Variants in ADAMTSL1 observed in about 807,000 individuals in gnomAD.
ADAMTSL1 encodes the protein ADAMTS-like protein 1.
A neutral mutation model predicts 201.8 loss-of-function variants in ADAMTSL1; 126 were observed. The observed-to-expected ratio is 0.62, with a 90% CI of 0.54 to 0.72. The LOEUF is 0.72. Among genes scored for constraint, ADAMTSL1 ranks in the 30% least tolerant of loss-of-function variants. ADAMTSL1 has a pLI of 0.00. For missense variants in ADAMTSL1, 2,679 were observed against 2,277.8 expected (o/e 1.18, Z -3.59); for synonymous variants, 1,121 against 903.4 (o/e 1.24, Z -4.32).
intron 2 of ADAMTSL1, among the ~76,000 whole-genome samples, chr9:18,198,065 C>G (rs1829265474): frequency 1.3e-5 from 2 of 152,124 alleles, no homozygotes; most frequent in Non-Finnish European, 2.9e-5. Flanking sequence ...ATGTAGAAAG[C>G]TGAAATTGGA....
intron 14 of ADAMTSL1, among the ~76,000 whole-genome samples, chr9:18,707,946 G>A (rs1832326205): frequency 1.3e-5 from 2 of 152,108 alleles, no homozygotes; most frequent in South Asian, 2.1e-4. Context: ...CTAAAAATAC[G>A]GTAGATTCAT....
At chr9:18,331,265 A>G (rs1405598505) in intron 2 of ADAMTSL1, among the ~76,000 whole-genome samples, 3 of 152,210 alleles carry the variant, frequency 2.0e-5, no homozygotes, top group Non-Finnish European at 4.4e-5. Flanking sequence ...AAGGTCTTTG[A>G]TGCTATGCTG....
At chr9:18,383,869 C>A (rs1382079548) in intron 2 of ADAMTSL1, among the ~76,000 whole-genome samples, 9 of 152,160 alleles carry the variant, frequency 5.9e-5, no homozygotes, top group Non-Finnish European at 1.3e-4. Context: ...GCTCCTGAAA[C>A]TTTACTGTAC....
At chr9:18,011,110 C>T (rs1004815228) in intron 1 of ADAMTSL1, among the ~76,000 whole-genome samples, 4 of 151,900 alleles carry the variant, frequency 2.6e-5, no homozygotes, top group African/African-American at 9.7e-5. Flanking sequence ...CAGAAAATGA[C>T]ATGAAGGTGC....
intron 2 of ADAMTSL1, among the ~76,000 whole-genome samples, chr9:18,390,995 T>TAATG (rs1421953104): frequency 6.6e-6 from 1 of 152,178 alleles, no homozygotes; most frequent in Non-Finnish European, 1.5e-5. Flanking sequence ...TGGGGTCATC[T>TAATG]AATGAAAATG....
intron 3 of ADAMTSL1, among the ~76,000 whole-genome samples, chr9:18,572,038 T>TA (rs1822344824): frequency 1.3e-5 from 2 of 151,638 alleles, no homozygotes; most frequent in African/African-American, 2.4e-5. Flanking sequence ...ACTAAAAATA[T>TA]AAAAAAATGA....
chr9:18,525,158 G>T (rs567098078), intron 2 of ADAMTSL1, among the ~76,000 whole-genome samples: 55 of 152,222 alleles, frequency 3.6e-4, no homozygotes, highest in African/African-American at 1.3e-3. Flanking sequence ...CTTCTTCCTG[G>T]TTTAGTCTTG....
At chr9:18,646,981 T>C (rs1434305751) in intron 7 of ADAMTSL1, among the ~76,000 whole-genome samples, 1 of 152,176 alleles carries the variant, frequency 6.6e-6, no homozygotes, top group African/African-American at 2.4e-5. Context: ...TTCCTCCTTG[T>C]ACCTCTGGTA....
rs549894070 is a variant in ADAMTSL1 at position 18,908,521 on chromosome 9, C to G, written c.5262C>G (p.Arg1754=). ...GCCAACTCAGCCAGTTTAAATCTCG[C>G]TGCTGTGGAACTTGTGGCAAAGCGT... The part of the protein sequence containing the change: ...KLCQLSQFKS[R]CCGTCGKA The change falls in exon 29 of 29, where the codon CGC becomes CGG. Residue 1754 remains arginine (R), a synonymous_variant. Transcript: ENST00000380548. 11 of 1,562,958 alleles carry G rather than the reference C, an allele frequency of 7.0e-6. No homozygotes were observed. The South Asian group carries it at 1.2e-4, about 17-fold the overall frequency.
chr9:18,452,798 G>C (rs1362515367), intron 2 of ADAMTSL1, among the ~76,000 whole-genome samples: 2 of 152,238 alleles, frequency 1.3e-5, no homozygotes, highest in African/African-American at 4.8e-5. Flanking sequence ...TTAGGGTAGA[G>C]GTTGGGCCGC....
At chr9:18,753,551 C>G in intron 16 of ADAMTSL1, 43 bp downstream of exon 16, 10 of 1,567,686 alleles carry the variant, frequency 6.4e-6, no homozygotes, top group Non-Finnish European at 8.6e-6. Context: ...TTGTTTGCAA[C>G]AGTGACTCAA....
At chr9:17,978,403 A>ATGATT (rs1196247465) in intron 1 of ADAMTSL1, among the ~76,000 whole-genome samples, 1 of 151,282 alleles carries the variant, frequency 6.6e-6, no homozygotes, top group African/African-American at 2.4e-5. Flanking sequence ...TTGTGATTAG[A>ATGATT]TGATTTTCTG....
intron 2 of ADAMTSL1, among the ~76,000 whole-genome samples, chr9:18,352,667 C>T (rs571518135): frequency 9.9e-5 from 15 of 152,256 alleles, no homozygotes; most frequent in Admixed American, 6.5e-4. Context: ...TAAAAATGTA[C>T]GCCATGTGAT....
intron 2 of ADAMTSL1, among the ~76,000 whole-genome samples, chr9:18,514,906 G>A (rs1347949627): frequency 6.6e-6 from 1 of 152,120 alleles, no homozygotes; most frequent in Admixed American, 6.6e-5. Flanking sequence ...GTTAGCTGAG[G>A]ACTTTTCACA....
At chr9:17,979,369 C>A (rs1818590571) in intron 1 of ADAMTSL1, among the ~76,000 whole-genome samples, 1 of 151,828 alleles carries the variant, frequency 6.6e-6, no homozygotes. Flanking sequence ...TTCTCTTTTA[C>A]TTTCTTTTTT....
At chr9:17,975,063 G>T (rs192903439) in intron 1 of ADAMTSL1, among the ~76,000 whole-genome samples, 71 of 152,032 alleles carry the variant, frequency 4.7e-4, no homozygotes, top group African/African-American at 1.3e-3. Flanking sequence ...CACTCCAAGA[G>T]ATGCAAAGTG....
intron 3 of ADAMTSL1, among the ~76,000 whole-genome samples, chr9:18,571,691 C>G (rs1458919635): frequency 6.6e-6 from 1 of 152,074 alleles, no homozygotes; most frequent in Non-Finnish European, 1.5e-5. Context: ...TTAAGGAAGG[C>G]TACGTGTAGA....
At chr9:18,629,772 C>T (rs189905019) in intron 5 of ADAMTSL1, among the ~76,000 whole-genome samples, 1 of 152,090 alleles carries the variant, frequency 6.6e-6, no homozygotes, top group Admixed American at 6.5e-5. Context: ...GAAGTAATTG[C>T]TTGTCTTCTT....
At chr9:17,927,774 A>T (rs962882960) in intron 1 of ADAMTSL1, among the ~76,000 whole-genome samples, 6 of 152,028 alleles carry the variant, frequency 3.9e-5, no homozygotes, top group African/African-American at 1.4e-4. Context: ...AATATAAGGG[A>T]CTTGAGCATC....
Sources: gnomAD v4.1 joint callset for allele counts (sites outside exome capture counted in the v4.1 genomes callset) on GRCh38, gnomAD v4.1.1 for gene constraint, MANE v1.5 for transcripts, NCBI Gene and HGNC (gene_info 2026-07-23, HGNC 2026-07-21) for gene names.